Variants in LRRN1 observed in about 807,000 individuals in gnomAD.
The protein encoded by LRRN1 is leucine-rich repeat neuronal protein 1.
In LRRN1, 14 loss-of-function variants were observed where a neutral mutation model predicts 45.8. That is an observed-to-expected ratio of 0.31 (90% CI 0.20 to 0.48). The LOEUF is 0.48. Ranked by LOEUF, LRRN1 falls within the 20% of genes least tolerant of loss-of-function variation. The pLI is 0.99. For missense variants in LRRN1, 789 were observed against 874.2 expected (o/e 0.90, Z 1.23); for synonymous variants, 359 against 330.1 (o/e 1.09, Z -0.95).
At chr3:3,840,074 T>A (rs1453225733) in intron 1 of LRRN1, among the ~76,000 whole-genome samples, 1 of 152,210 alleles carries the variant, frequency 6.6e-6, no homozygotes, top group Non-Finnish European at 1.5e-5. Flanking sequence ...GGAGAAACTT[T>A]CAGTTTTTTG....
At chr3:3,842,312 C>T (rs935982646) in intron 1 of LRRN1, among the ~76,000 whole-genome samples, 2 of 151,558 alleles carry the variant, frequency 1.3e-5, no homozygotes, top group African/African-American at 4.9e-5. Context: ...TATGTTTCCT[C>T]CCACAGACTA....
intron 1 of LRRN1, among the ~76,000 whole-genome samples, chr3:3,832,514 T>C (rs892952781): frequency 9.9e-5 from 15 of 152,196 alleles, no homozygotes; most frequent in African/African-American, 3.6e-4. Context: ...TTGGGTCTCC[T>C]GGGATCAACA....
At position 3,849,250 on chromosome 3, in the gene LRRN1, A is replaced by G. The variant is rs929680861; in HGVS notation, c.*2458A>G. On this transcript the variant is annotated 3_prime_UTR_variant, in exon 2 of 2. Transcript: ENST00000319331. ...AGGGAAAAACCTCAGCCGTTTCTCC[A>G]TTCTGAAGATATAGCAAGCACCGGG... Among the ~76,000 whole-genome samples, 1 of 152,226 alleles carries G rather than the reference A, an allele frequency of 6.6e-6. No individual in the cohort carries two copies. Among genetic ancestry groups the G allele is most frequent in the African/African-American group, 2.4e-5 (1 of 41,464 alleles).
At chr3:3,834,319 T>A (rs542175259) in intron 1 of LRRN1, among the ~76,000 whole-genome samples, 32 of 151,686 alleles carry the variant, frequency 2.1e-4, no homozygotes, top group African/African-American at 7.5e-4. Flanking sequence ...TGCATAAGTC[T>A]CTAAATAGTT....
At chr3:3,836,428 A>ATATAG (rs1693514229) in intron 1 of LRRN1, among the ~76,000 whole-genome samples, 1 of 152,202 alleles carries the variant, frequency 6.6e-6, no homozygotes, top group South Asian at 2.1e-4. Context: ...GAATGGAATC[A>ATATAG]CGTACTATTC....
intron 1 of LRRN1, among the ~76,000 whole-genome samples, chr3:3,811,168 T>C (rs1372316064): frequency 6.6e-6 from 1 of 152,000 alleles, no homozygotes; most frequent in Non-Finnish European, 1.5e-5. Flanking sequence ...TTTAAAGATG[T>C]GGAAAAAAAA....
At chr3:3,837,703 T>C (rs1693553579) in intron 1 of LRRN1, among the ~76,000 whole-genome samples, 1 of 151,474 alleles carries the variant, frequency 6.6e-6, no homozygotes, top group African/African-American at 2.4e-5. Context: ...ACCACATTTT[T>C]TTTTCTTTTT....
At chr3:3,804,477 C>T (rs571637774) in intron 1 of LRRN1, among the ~76,000 whole-genome samples, 13 of 152,298 alleles carry the variant, frequency 8.5e-5, no homozygotes, top group Admixed American at 7.8e-4. Context: ...GTCCTGTCCA[C>T]TCTGACTTTA....
intron 1 of LRRN1, among the ~76,000 whole-genome samples, chr3:3,834,546 A>ATATATATATATATATATG (rs1693459281): frequency 8.7e-6 from 1 of 115,282 alleles, no homozygotes; most frequent in Non-Finnish European, 1.8e-5. Context: ...ATATATATAT[A>ATATATATATATATATATG]TATATATGAT....
intron 1 of LRRN1, among the ~76,000 whole-genome samples, chr3:3,839,368 A>G (rs1401870781): frequency 6.6e-6 from 1 of 152,198 alleles, no homozygotes; most frequent in Admixed American, 6.5e-5. Context: ...CCTTTATGTC[A>G]GTACCACACC....
chr3:3,834,515 G>A (rs552980475), intron 1 of LRRN1, among the ~76,000 whole-genome samples: 160 of 9,556 alleles, frequency 0.017, 1 homozygote, highest in Non-Finnish European at 0.041. Context: ...CTCTTAGAGG[G>A]ACAGAACAGG....
chr3:3,845,661 A>G lies in LRRN1; in HGVS notation c.1020A>G (p.Glu340=). ...CTTTCCGAAGTGTCCCTGCTCTGGA[A>G]AGCTTGATGCTGAACAACAATGCCT... The part of the protein sequence containing the change: ...RLAFRSVPAL[E]SLMLNNNALN... Residue 340 remains glutamate, a synonymous_variant, in exon 2 of 2, where the codon GAA becomes GAG. Coordinates refer to ENST00000319331, the MANE Select transcript of LRRN1 (RefSeq NM_020873.7). This position sits in a 1 kb window ranked among gnomAD's most constrained non-coding sequence, Gnocchi z 6.5. The G allele has an allele frequency of 6.2e-7, 1 of 1,614,088 alleles. No individual in the cohort carries two copies. The highest frequency in any genetic ancestry group is 8.5e-7 in the Non-Finnish European group (1 of 1,180,010).
chr3:3,799,844 G>C lies in LRRN1; in HGVS notation c.-354G>C, dbSNP rs1692604707. The C allele has an allele frequency of 1.8e-5, 3 of 162,952 alleles. No homozygotes were observed. Among genetic ancestry groups the C allele is most frequent in the South Asian group, 3.0e-4 (2 of 6,738 alleles). 10.1% of individuals were successfully genotyped at this position (162,952 alleles called of 1,614,324 possible). The stretch of plus-strand genomic sequence containing the variant: ...TCCTCCTCGTCTTTCTCCTCCTCCT[G>C]CTGCTGCTGCCGCCGCCGCCGCCGT... On this transcript the variant is annotated 5_prime_UTR_variant, in exon 1 of 2. Transcript: ENST00000319331.
At chr3:3,843,576 C>CA (rs894079737) in intron 1 of LRRN1, among the ~76,000 whole-genome samples, 2 of 151,552 alleles carry the variant, frequency 1.3e-5, no homozygotes, top group Admixed American at 6.6e-5. Flanking sequence ...TGTACCCCCC[C>CA]CCATACCCCT....
At chr3:3,813,423 A>G (rs754035625) in intron 1 of LRRN1, among the ~76,000 whole-genome samples, 1 of 152,174 alleles carries the variant, frequency 6.6e-6, no homozygotes, top group African/African-American at 2.4e-5. Context: ...TTTAGACACT[A>G]TTACCAAATA....
intron 1 of LRRN1, among the ~76,000 whole-genome samples, chr3:3,832,267 G>T (rs1235777231): frequency 6.6e-6 from 1 of 152,180 alleles, no homozygotes; most frequent in Non-Finnish European, 1.5e-5. Flanking sequence ...TCTAGGTAGA[G>T]GCAGCTCTAA....
intron 1 of LRRN1, among the ~76,000 whole-genome samples, chr3:3,801,620 T>G (rs935414016): frequency 8.5e-5 from 13 of 152,216 alleles, no homozygotes; most frequent in Non-Finnish European, 1.8e-4. Flanking sequence ...ACAAGGAGTC[T>G]TCAGTTAACA....
intron 1 of LRRN1, among the ~76,000 whole-genome samples, chr3:3,807,018 G>GTTAGA (rs1692775796): frequency 6.6e-6 from 1 of 152,108 alleles, no homozygotes; most frequent in African/African-American, 2.4e-5. Flanking sequence ...TTCCTAGACC[G>GTTAGA]TGGAGTCCTA....
At chr3:3,803,259 G>A (rs781767815) in intron 1 of LRRN1, among the ~76,000 whole-genome samples, 8 of 152,168 alleles carry the variant, frequency 5.3e-5, no homozygotes, top group Middle Eastern at 3.4e-3. Flanking sequence ...CGGTCTCTAC[G>A]GAGTTATATT....
Sources: gnomAD v4.1 joint callset for allele counts (sites outside exome capture counted in the v4.1 genomes callset) on GRCh38, gnomAD v4.1.1 for gene constraint, Gnocchi (gnomAD v3.1) non-coding constraint, MANE v1.5 for transcripts, NCBI Gene and HGNC (gene_info 2026-07-23, HGNC 2026-07-21) for gene names.